The following DNAJC6 variants were observed in gnomAD, a reference collection of about 807,000 sequenced individuals.
The protein encoded by DNAJC6 is auxilin.
In DNAJC6, 34 loss-of-function variants were observed where a neutral mutation model predicts 110.0. The observed-to-expected ratio is 0.31, with a 90% CI of 0.24 to 0.41. The LOEUF (loss-of-function observed/expected upper bound fraction) is 0.41. Ranked by LOEUF, DNAJC6 falls within the 10% of genes least tolerant of loss-of-function variation. The probability of loss-of-function intolerance (pLI) is 1.00; values close to 1 mark genes in which losing one functional copy is unlikely to be tolerated. For missense variants in DNAJC6, 1,031 were observed against 1,207.8 expected (o/e 0.85, Z 2.17); for synonymous variants, 406 against 437.2 (o/e 0.93, Z 0.89).
At chr1:65,334,765 G>A (rs1387774764) in intron 1 of DNAJC6, among the ~76,000 whole-genome samples, 2 of 152,150 alleles carry the variant, frequency 1.3e-5, no homozygotes, top group African/African-American at 4.8e-5. Flanking sequence ...GGAACAGTGG[G>A]AGGAAACAAG....
At chr1:65,318,360 G>T (rs979759277) in intron 1 of DNAJC6, among the ~76,000 whole-genome samples, 1 of 151,974 alleles carries the variant, frequency 6.6e-6, no homozygotes, top group African/African-American at 2.4e-5. Flanking sequence ...AATGCCTACG[G>T]CCTACAAAAG....
chr1:65,387,023 C>A, intron 8 of DNAJC6, 94 bp downstream of exon 8: 2 of 1,047,224 alleles, frequency 1.9e-6, no homozygotes, highest in Admixed American at 1.9e-5. Flanking sequence ...GGGCTTGAGT[C>A]ACTTGTAGTT....
rs770166998 is a variant in DNAJC6 at position 65,398,879 on chromosome 1, C to G, written c.2105C>G (p.Pro702Arg). 8.1e-6 allele frequency: 13 copies of G among 1,613,832 alleles called. No homozygotes were observed. In the East Asian group the frequency reaches 2.9e-4, roughly 36 times the overall value. The change falls in exon 14 of 19, where the codon CCA becomes CGA. Residue 702 changes from proline (P) to arginine (R), a missense_variant and splice_region_variant. Pro to Arg is a moderately radical substitution (Grantham distance 103). Coordinates refer to ENST00000371069, the MANE Select transcript of DNAJC6 (RefSeq NM_001256864.2). ...GGAGGTTGGGACTGGCATGCTAAAC[C>G]AGGTAAAAGCAGGTTATTTTCTGTA... Reference protein sequence around the residue: ...VSGGWDWHAKPGGFGMGSKSA... With the variant: ...VSGGWDWHAKRGGFGMGSKSA...
intron 12 of DNAJC6, among the ~76,000 whole-genome samples, chr1:65,393,067 G>GT (rs1330083343): frequency 6.6e-6 from 1 of 152,156 alleles, no homozygotes; most frequent in African/African-American, 2.4e-5. Context: ...CTAAGGTAGT[G>GT]TAAGAGTGGA....
At chr1:65,357,707 G>A (rs983123110) in intron 1 of DNAJC6, among the ~76,000 whole-genome samples, 12 of 152,262 alleles carry the variant, frequency 7.9e-5, no homozygotes, top group African/African-American at 2.6e-4. Context: ...GCTCTTGGAG[G>A]GCTGTTGGCA....
At chr1:65,385,596 A>G (rs1038772824) in intron 6 of DNAJC6, 116 bp from the exon 7 acceptor site, 2 of 882,728 alleles carry the variant, frequency 2.3e-6, no homozygotes, top group Non-Finnish European at 3.2e-6. Flanking sequence ...TAAGAAATTG[A>G]TAGAATAAGT....
intron 16 of DNAJC6, among the ~76,000 whole-genome samples, chr1:65,406,849 A>G (rs1160908495): frequency 6.6e-6 from 1 of 152,216 alleles, no homozygotes; most frequent in Non-Finnish European, 1.5e-5. Context: ...CCCTCCAATG[A>G]AGTACATAGG....
chr1:65,386,043 G>C, intron 7 of DNAJC6, 137 bp downstream of exon 7: 1 of 921,014 alleles, frequency 1.1e-6, no homozygotes, highest in Non-Finnish European at 1.6e-6. Context: ...TTCAACATCA[G>C]TGGTAATCAT....
Position 65,303,255 on chromosome 1 carries a change from T to C in DNAJC6, c.-131+38323T>C, listed in dbSNP as rs149685464. On this transcript the variant is annotated intron_variant, in intron 1 of 19. Coordinates refer to the DNAJC6 transcript ENST00000263441. The stretch of plus-strand genomic sequence containing the variant: ...GCACTGTGCTAGACCTCATAAAACA[T>C]GATGGGTGTTGTCTTCACCTGCCAG... Among the ~76,000 whole-genome samples, 516 of 152,312 alleles carry C rather than the reference T, an allele frequency of 3.4e-3. 2 individuals carry two copies. The highest frequency in any genetic ancestry group is 0.012 in the African/African-American group (481 of 41,570).
chr1:65,357,356 C>A (rs77683713), intron 1 of DNAJC6, among the ~76,000 whole-genome samples: 1,748 of 152,218 alleles, frequency 0.011, 32 homozygotes, highest in African/African-American at 0.041. Context: ...CTTTACTAGA[C>A]CTGGATGATG....
At chr1:65,372,948 C>T (rs933028410) in intron 4 of DNAJC6, among the ~76,000 whole-genome samples, 4 of 151,762 alleles carry the variant, frequency 2.6e-5, no homozygotes, top group African/African-American at 9.7e-5. Context: ...TTATTTTTTC[C>T]TCCTTCAAAC....
At chr1:65,394,496 A>G (rs970737812) in intron 12 of DNAJC6, among the ~76,000 whole-genome samples, 2 of 152,174 alleles carry the variant, frequency 1.3e-5, no homozygotes, top group African/African-American at 4.8e-5. Flanking sequence ...CTAAATTTTG[A>G]GCTCTTGTCT....
At chr1:65,358,483 A>T (rs796533263) in intron 1 of DNAJC6, among the ~76,000 whole-genome samples, 20 of 152,306 alleles carry the variant, frequency 1.3e-4, no homozygotes, top group African/African-American at 4.8e-4. Context: ...ATTTGTGAAG[A>T]TTAAATGTGT....
At chr1:65,272,421 T>C (rs983215552) in intron 1 of DNAJC6, among the ~76,000 whole-genome samples, 3 of 152,244 alleles carry the variant, frequency 2.0e-5, no homozygotes, top group African/African-American at 7.2e-5. Flanking sequence ...TATATATTGC[T>C]GTATTTGACT....
chr1:65,375,582 C>T (rs186120305), intron 4 of DNAJC6, among the ~76,000 whole-genome samples: 16 of 152,206 alleles, frequency 1.1e-4, no homozygotes, highest in Admixed American at 6.5e-4. Flanking sequence ...CCTGCCACCA[C>T]GCCCGGCTAA....
chr1:65,317,930 C>T (rs1429736662), intron 1 of DNAJC6, among the ~76,000 whole-genome samples: 1 of 152,140 alleles, frequency 6.6e-6, no homozygotes, highest in Non-Finnish European at 1.5e-5. Flanking sequence ...AAAGAAAACC[C>T]GTTTTGGGCT....
intron 1 of DNAJC6, among the ~76,000 whole-genome samples, chr1:65,360,034 C>T (rs1396517824): frequency 1.3e-5 from 2 of 152,188 alleles, no homozygotes; most frequent in Non-Finnish European, 2.9e-5. Flanking sequence ...CCTTGATCTA[C>T]CGTGGTCATT....
chr1:65,379,660 G>A, intron 5 of DNAJC6, 136 bp downstream of exon 5: 1 of 1,280,290 alleles, frequency 7.8e-7, no homozygotes, highest in South Asian at 1.5e-5. Context: ...GGTAATGTGA[G>A]AGTTGTAAAA....
At chr1:65,360,829 T>G (rs1015706656) in intron 1 of DNAJC6, among the ~76,000 whole-genome samples, 1 of 152,120 alleles carries the variant, frequency 6.6e-6, no homozygotes, top group Non-Finnish European at 1.5e-5. Flanking sequence ...GTAATGAGAT[T>G]GACTTGGTTT....
Sources: allele counts gnomAD v4.1 joint callset (sites outside exome capture counted in the v4.1 genomes callset), GRCh38; gene constraint gnomAD v4.1.1; transcripts MANE v1.5; gene names NCBI Gene and HGNC (gene_info 2026-07-23, HGNC 2026-07-21).